Variants in LEFTY1 observed in about 807,000 individuals in gnomAD.
LEFTY1 encodes left-right determination factor 1, also known as left-right determination factor B.
LEFTY1 carries 18 observed loss-of-function variants against 22.6 expected under a neutral mutation model. The observed-to-expected ratio is 0.80, with a 90% CI of 0.55 to 1.18. LEFTY1 has a LOEUF of 1.18. LEFTY1 is among the 50% of genes most tolerant of loss of function. The pLI, the probability that LEFTY1 is intolerant of heterozygous loss-of-function variation, is 0.00. For synonymous variants in LEFTY1, 201 were observed against 231.5 expected (o/e 0.87, Z 1.20); for missense variants, 414 against 495.4 (o/e 0.84, Z 1.56).
chr1:225,888,448 A>C (rs1671332681), intron 1 of LEFTY1, among the ~76,000 whole-genome samples: 1 of 152,162 alleles, frequency 6.6e-6, no homozygotes, highest in East Asian at 1.9e-4. Flanking sequence ...TCAGTTACCC[A>C]AACACGCTTC....
intron 2 of LEFTY1, 35 bp from the exon 3 acceptor site, chr1:225,887,673 G>C (rs1159341813): frequency 1.2e-6 from 2 of 1,611,460 alleles, no homozygotes; most frequent in African/African-American, 1.3e-5. Context: ...CGCCGCTTGA[G>C]GGCGGGGACT....
chr1:225,888,929 G>A lies in LEFTY1; in HGVS notation c.138C>T (p.Ala46=), dbSNP rs771905717. The part of the protein sequence containing the change: ...QLKEVPTLDR[A]DMEELVIPTH... ...TGGGGATGACCAGCTCCTCCATGTC[G>A]GCCCTGTCCAGGGTGGGCACCTCTT... Residue 46 remains alanine, a synonymous_variant, in exon 1 of 4, where the codon GCC becomes GCT. Transcript: ENST00000272134. 20 of 1,612,178 alleles carry A rather than the reference G, an allele frequency of 1.2e-5. No homozygotes were observed. In the Admixed American group the frequency reaches 1.3e-4, roughly 11 times the overall value.
In LEFTY1 at chr1:225,886,523, A is replaced by G. The variant is rs1392261404; in HGVS notation, c.*204T>C. On this transcript the variant is annotated 3_prime_UTR_variant, in exon 4 of 4. Transcript: ENST00000272134. Reference sequence around the variant, plus strand: ...ATAATAAGAATAGAGAAAACTGAGCAAGGGCTCTCCAGTGGCCAAAGATTC... The same window carrying G: ...ATAATAAGAATAGAGAAAACTGAGCGAGGGCTCTCCAGTGGCCAAAGATTC... The G allele has an allele frequency of 2.1e-6, 2 of 947,844 alleles. No homozygotes were observed. Among genetic ancestry groups the G allele is most frequent in the Non-Finnish European group, 1.5e-6 (1 of 655,662 alleles). The allele number at this position is 947,844 out of a possible 1,614,324, so 58.7% of individuals were successfully genotyped here.
intron 3 of LEFTY1, 122 bp from the exon 4 acceptor site, chr1:225,887,212 A>G: frequency 6.8e-7 from 1 of 1,472,746 alleles, no homozygotes. Context: ...GTGATATAGG[A>G]TGGACAGCTA....
Position 225,887,852 on chromosome 1 carries a change from C to G in LEFTY1, c.431G>C (p.Arg144Pro). Residue 144 changes from arginine to proline, a missense_variant, in exon 2 of 4, where the codon CGG becomes CCG. By Grantham distance (103) the Arg-to-Pro change is moderately radical. Around this residue, in one of 2 missense-constraint regions of LEFTY1, gnomAD observed 398 missense variants for 454.7 expected, o/e 0.88. Coordinates refer to ENST00000272134, the MANE Select transcript of LEFTY1 (RefSeq NM_020997.4). ...GRLSPRSARA[R>P]VTVEWLRVRD... ...GACGCGCAGCCACTCGACGGTCACC[C>G]GGGCCCGGGCGCTGCGCGGGGACAG... 1 of 1,529,822 alleles carries G rather than the reference C, an allele frequency of 6.5e-7. No homozygotes were observed. The allele number at this position is 1,529,822 out of a possible 1,614,324, so 94.8% of individuals were successfully genotyped here.
Position 225,889,049 on chromosome 1 carries a change from G to C in LEFTY1, c.18C>G (p.Leu6=). The C allele has an allele frequency of 6.8e-7, 1 of 1,480,414 alleles. No homozygotes were observed. The highest frequency in any genetic ancestry group is 8.9e-7 in the Non-Finnish European group (1 of 1,118,154). 91.7% of individuals were successfully genotyped at this position (1,480,414 alleles called of 1,614,324 possible). A position where few individuals can be genotyped will look rare whatever the true frequency, so the allele number is the denominator to read the frequency against. The change falls in exon 1 of 4, where the codon CTC becomes CTG. Residue 6 remains leucine (L), a synonymous_variant. Coordinates refer to ENST00000272134, the MANE Select transcript of LEFTY1 (RefSeq NM_020997.4). ...GGGGCAACACCCAGAGTGCCCAGCA[G>C]AGCCACAGGGGCTGCATGGTGCTGC... is the stretch of plus-strand genomic sequence containing the variant. MQPLW[L]CWALWVLPLA...
Position 225,886,911 on chromosome 1 carries a change from A to G in LEFTY1, c.917T>C (p.Phe306Ser), listed in dbSNP as rs747429555. 4.3e-6 allele frequency: 7 copies of G among 1,613,822 alleles called. No homozygotes were observed. In the South Asian group the frequency reaches 7.7e-5, roughly 18 times the overall value. Residue 306 changes from phenylalanine to serine, a missense_variant, in exon 4 of 4, where the codon TTC becomes TCC. Transcript: ENST00000272134. ...TCRQPPEALAFKWPFLGPRQC... is the reference protein window; with the variant it reads ...TCRQPPEALASKWPFLGPRQC... The stretch of plus-strand genomic sequence containing the variant: ...TCGAGGCCCCAGAAACGGCCACTTG[A>G]AGGCCAGGGCCTCCGGGGGCTGCCG...
chr1:225,887,646 A>G lies in LEFTY1; in HGVS notation c.498-8T>C. 4 of 1,612,238 alleles carry G rather than the reference A, an allele frequency of 2.5e-6. No individual in the cohort carries two copies. The highest frequency in any genetic ancestry group is 2.5e-6 in the Non-Finnish European group (3 of 1,179,732). On this transcript the variant is annotated splice_region_variant and splice_polypyrimidine_tract_variant and intron_variant, in intron 2 of 3. Transcript: ENST00000272134. The stretch of plus-strand genomic sequence containing the variant: ...TCGTGGACGGACACCAGCCTGAGAC[A>G]TGACACAGAGACCCAGCGCCGCTTG...
Position 225,887,020 on chromosome 1 carries a change from T to C in LEFTY1, c.808A>G (p.Ile270Val). 1.2e-6 allele frequency: 2 copies of C among 1,604,110 alleles called. No homozygotes were observed. Among genetic ancestry groups the C allele is most frequent in the Non-Finnish European group, 1.7e-6 (2 of 1,174,222 alleles). Residue 270 changes from isoleucine (I) to valine (V), a missense_variant, in exon 4 of 4, where the codon ATT (isoleucine) becomes GTT (valine). Physicochemically the swap from Ile to Val is conservative, Grantham distance 29. This residue lies in a region of LEFTY1 where 398 missense variants were observed against 454.7 expected (regional missense o/e 0.88). Transcript: ENST00000272134. ...GCCCACTTCATCCCCTGCAGGTCAA[T>C]GTACATCTCCTGGCGGCAGCAGCGG... ...GTRCCRQEMY[I>V]DLQGMKWAEN...
chr1:225,887,200 T>G (rs540133596), intron 3 of LEFTY1, 110 bp from the exon 4 acceptor site: 1 of 1,480,870 alleles, frequency 6.8e-7, no homozygotes, highest in African/African-American at 1.4e-5. Context: ...AGCTGGATGT[T>G]TGTGATATAG....
Position 225,886,791 on chromosome 1 carries a change from A to C in LEFTY1, c.1037T>G (p.Met346Arg). ...GGCACAGCTGCACTTCTGCACCCTC[A>C]TGTTGGGCAGGCTGACCACCTGGGG... ...TRPQVVSLPN[M>R]RVQKCSCASD... Residue 346 changes from methionine (M) to arginine (R), a missense_variant, in exon 4 of 4, where the codon ATG (methionine) becomes AGG (arginine). By Grantham distance (91) the Met-to-Arg change is moderately conservative. Transcript: ENST00000272134. 6.2e-7 allele frequency: 1 copy of C among 1,613,770 alleles called. No individual in the cohort carries two copies.
At position 225,888,927 on chromosome 1, in the gene LEFTY1, T is replaced by C. The variant is rs1671342487; in HGVS notation, c.140A>G (p.Asp47Gly). Residue 47 changes from aspartate to glycine, a missense_variant, in exon 1 of 4, where the codon GAC becomes GGC. Asp to Gly is a moderately conservative substitution (Grantham distance 94). Transcript: ENST00000272134. The stretch of plus-strand genomic sequence containing the variant: ...GGTGGGGATGACCAGCTCCTCCATG[T>C]CGGCCCTGTCCAGGGTGGGCACCTC... ...LKEVPTLDRA[D>G]MEELVIPTHV... 6.2e-7 allele frequency: 1 copy of C among 1,612,352 alleles called. No individual in the cohort carries two copies. Among genetic ancestry groups the C allele is most frequent in the East Asian group, 2.2e-5 (1 of 44,868 alleles).
Position 225,887,951 on chromosome 1 carries a change from C to CT in LEFTY1, c.331dup (p.Ser111LysfsTer142). On this transcript the variant is annotated frameshift_variant, in exon 2 of 4. Transcript: ENST00000272134. LOFTEE classifies it high-confidence loss of function. ...CCGCAGCACGGCCTGCACCAGCTCG[C>CT]TGTTGGGCGGCAGCCGCTGCTCCAT... 1.3e-6 allele frequency: 2 copies of CT among 1,573,946 alleles called. No homozygotes were observed. Among genetic ancestry groups the CT allele is most frequent in the Non-Finnish European group, 1.7e-6 (2 of 1,170,616 alleles).
chr1:225,887,196 A>T, intron 3 of LEFTY1, 106 bp from the exon 4 acceptor site: 2 of 1,482,276 alleles, frequency 1.3e-6, no homozygotes, highest in Non-Finnish European at 1.8e-6. Flanking sequence ...AAAAAGCTGG[A>T]TGTTTGTGAT....
Position 225,887,779 on chromosome 1 carries a change from C to T in LEFTY1, c.497+7G>A. ...CCCCCTACCCTGCGCGCCCCCGCGA[C>T]CCCCACCTGGAGTCGATGAGGGAGG... is the stretch of plus-strand genomic sequence containing the variant. On this transcript the variant is annotated splice_region_variant and intron_variant, in intron 2 of 3. Coordinates refer to ENST00000272134, the MANE Select transcript of LEFTY1 (RefSeq NM_020997.4). The T allele has an allele frequency of 6.5e-7, 1 of 1,548,284 alleles. No homozygotes were observed. Among genetic ancestry groups the T allele is most frequent in the Non-Finnish European group, 8.7e-7 (1 of 1,151,440 alleles).
rs572501095 is a variant in LEFTY1 at position 225,887,521 on chromosome 1, C to G, written c.615G>C (p.Arg205Ser). Reference sequence around the variant, plus strand: ...CGGACGCCAGCGGGCCCAGATGCTCCCTCTGCACCGACACCTGTAGCAGCA... The same window carrying G: ...CGGACGCCAGCGGGCCCAGATGCTCGCTCTGCACCGACACCTGTAGCAGCA... ...QPLLLQVSVQ[R>S]EHLGPLASGA... The change falls in exon 3 of 4, where the codon AGG (arginine) becomes AGC (serine). Residue 205 changes from arginine to serine, a missense_variant. Around this residue, in one of 2 missense-constraint regions of LEFTY1, gnomAD observed 398 missense variants for 454.7 expected, o/e 0.88. Transcript: ENST00000272134. 6.2e-7 allele frequency: 1 copy of G among 1,611,914 alleles called. No individual in the cohort carries two copies. The highest frequency in any genetic ancestry group is 1.3e-5 in the African/African-American group (1 of 75,038).
At chr1:225,887,279 G>GTC in intron 3 of LEFTY1, 120 bp downstream of exon 3, 1 of 1,537,592 alleles carries the variant, frequency 6.5e-7, no homozygotes, top group South Asian at 1.3e-5. Flanking sequence ...AGAGTCAGAG[G>GTC]AAGAATTGTA....
At chr1:225,887,222 A>G (rs1361245281) in intron 3 of LEFTY1, 132 bp from the exon 4 acceptor site, 1 of 1,468,304 alleles carries the variant, frequency 6.8e-7, no homozygotes, top group Non-Finnish European at 9.0e-7. Context: ...ATGGACAGCT[A>G]GAAATAACTT....
At chr1:225,887,675 G>T in intron 2 of LEFTY1, 37 bp from the exon 3 acceptor site, 4 of 1,611,396 alleles carry the variant, frequency 2.5e-6, no homozygotes, top group Non-Finnish European at 3.4e-6. Context: ...CCGCTTGAGG[G>T]CGGGGACTGG....
Sources: allele counts gnomAD v4.1 joint callset (sites outside exome capture counted in the v4.1 genomes callset), GRCh38; gene constraint gnomAD v4.1.1; regional missense constraint gnomAD v4.1.1; transcripts MANE v1.5; gene names NCBI Gene and HGNC (gene_info 2026-07-23, HGNC 2026-07-21).